Variants in CNTN3 observed in about 807,000 individuals in gnomAD.
CNTN3 encodes the protein contactin-3.
Under a neutral mutation model 119.1 loss-of-function variants are expected in CNTN3, and 60 were observed. The ratio of observed to expected loss-of-function variants is 0.50; its 90% CI spans 0.41 to 0.62. The LOEUF (loss-of-function observed/expected upper bound fraction) is 0.62, where lower values mean the gene tolerates loss of function less well. CNTN3 is among the 20% of genes least tolerant of loss of function. CNTN3 has a pLI of 0.00. For missense variants in CNTN3, 1,101 were observed against 1,242.4 expected, an observed-to-expected ratio of 0.89 and a Z score of 1.71; for synonymous variants, 450 against 438.7, an observed-to-expected ratio of 1.03 and a Z score of -0.32.
intron 4 of CNTN3, among the ~76,000 whole-genome samples, chr3:74,443,544 C>A (rs1381912718): frequency 6.6e-6 from 1 of 152,106 alleles, no homozygotes; most frequent in Non-Finnish European, 1.5e-5. Flanking sequence ...TTAGAATGAT[C>A]TGAGTCCCAT....
intron 5 of CNTN3, among the ~76,000 whole-genome samples, chr3:74,410,135 C>A (rs1701413835): frequency 6.6e-6 from 1 of 152,126 alleles, no homozygotes; most frequent in Non-Finnish European, 1.5e-5. Flanking sequence ...CTTTATGTAT[C>A]CATATCTTGT....
chr3:74,594,228 C>A (rs1216035901), intron 1 of CNTN3, among the ~76,000 whole-genome samples: 1 of 150,098 alleles, frequency 6.7e-6, no homozygotes, highest in Non-Finnish European at 1.5e-5. Flanking sequence ...CACTATTAAA[C>A]ACATAGTACT....
At chr3:74,470,178 G>C (rs190216062) in intron 4 of CNTN3, among the ~76,000 whole-genome samples, 3 of 152,060 alleles carry the variant, frequency 2.0e-5, no homozygotes, top group East Asian at 1.9e-4. Context: ...GGGCTGGAGT[G>C]GGGGGTTTTG....
In CNTN3 at chr3:74,439,533, T is replaced by TA. The variant is rs200101729; in HGVS notation, c.359-14594dup. On this transcript the variant is annotated intron_variant, in intron 4 of 22. Coordinates refer to ENST00000263665, the MANE Select transcript of CNTN3 (RefSeq NM_020872.3). ...GCATATATTTCATCTTATATGATAC[T>TA]AAAAAAATCTGTGAAATGGGCAATA... 6.8e-3 allele frequency among the ~76,000 whole-genome samples: 1,034 copies of TA among 152,234 alleles called. 9 individuals are homozygous for TA. Among genetic ancestry groups the TA allele is most frequent in the African/African-American group, 0.023 (973 of 41,558 alleles).
chr3:74,489,637 CGCCTAA>C (rs1702926832), intron 3 of CNTN3, among the ~76,000 whole-genome samples: 6 of 135,250 alleles, frequency 4.4e-5, no homozygotes, highest in Admixed American at 7.9e-5. Context: ...CCCACCCCTC[CGCCTAA>C]TCCCCAGGCC....
chr3:74,489,042 C>G (rs998019501), intron 3 of CNTN3, among the ~76,000 whole-genome samples: 1 of 152,084 alleles, frequency 6.6e-6, no homozygotes, highest in Non-Finnish European at 1.5e-5. Context: ...TATTCCATCC[C>G]AAGTCCTAGA....
At chr3:74,435,993 T>C (rs1444316495) in intron 4 of CNTN3, among the ~76,000 whole-genome samples, 1 of 152,208 alleles carries the variant, frequency 6.6e-6, no homozygotes, top group African/African-American at 2.4e-5. Context: ...AAAACGCCTA[T>C]ACACATATTT....
chr3:74,320,625 T>C (rs1702963285), intron 13 of CNTN3, among the ~76,000 whole-genome samples: 3 of 151,900 alleles, frequency 2.0e-5, no homozygotes. Flanking sequence ...AAACTTAAAG[T>C]ATAATAACAA....
At chr3:74,559,157 G>C (rs1025754871) in intron 1 of CNTN3, among the ~76,000 whole-genome samples, 1 of 152,028 alleles carries the variant, frequency 6.6e-6, no homozygotes, top group Admixed American at 6.6e-5. Context: ...CTAAACCCCA[G>C]TTCTGACACT....
At chr3:74,559,780 C>G (rs189012470) in intron 1 of CNTN3, among the ~76,000 whole-genome samples, 1 of 151,888 alleles carries the variant, frequency 6.6e-6, no homozygotes. Context: ...CCTGATTATA[C>G]CATGCAATTG....
Position 74,336,524 on chromosome 3 carries a change from G to T in CNTN3, c.1492+7C>A, listed in dbSNP as rs372063489. The T allele has an allele frequency of 2.5e-6, 4 of 1,610,600 alleles. No homozygotes were observed. Among genetic ancestry groups the T allele is most frequent in the Non-Finnish European group, 3.4e-6 (4 of 1,177,814 alleles). ...TATGTAAAGCAATATTTTAGAAATGGACCTACCCGTAACAACCAAATGTGT... is the reference window on the plus strand; with the variant it reads ...TATGTAAAGCAATATTTTAGAAATGTACCTACCCGTAACAACCAAATGTGT... On this transcript the variant is annotated splice_region_variant and intron_variant, in intron 12 of 22. Transcript: ENST00000263665.
intron 5 of CNTN3, among the ~76,000 whole-genome samples, chr3:74,382,168 T>A (rs2200741): frequency 1 from 152,032 of 152,212 alleles, 75,926 homozygotes; most frequent in Non-Finnish European, 1. Flanking sequence ...AGATCGCACC[T>A]TTGAACTCCA....
intron 13 of CNTN3, among the ~76,000 whole-genome samples, chr3:74,319,511 T>C (rs1352716701): frequency 1.3e-5 from 2 of 152,030 alleles, no homozygotes; most frequent in Non-Finnish European, 2.9e-5. Flanking sequence ...ATACAAAAAT[T>C]AATTCAAGAT....
intron 22 of CNTN3, among the ~76,000 whole-genome samples, chr3:74,265,818 T>C (rs1350439865): frequency 6.6e-6 from 1 of 152,164 alleles, no homozygotes; most frequent in African/African-American, 2.4e-5. Flanking sequence ...AAATGGACTC[T>C]ACAATAGTTA....
rs895344575 is a variant in CNTN3, at chr3:74,384,438, T to C, written c.455-13039A>G. ...AGAACTGCAGTAAAAGAGCATTAGA[T>C]TCTGCCTTGATCAAAGTCCAGAATA... is the stretch of plus-strand genomic sequence containing the variant. On this transcript the variant is annotated intron_variant, in intron 5 of 22. Coordinates refer to ENST00000263665, the MANE Select transcript of CNTN3 (RefSeq NM_020872.3). Among the ~76,000 whole-genome samples the C allele has an allele frequency of 2.0e-5, 3 of 152,244 alleles. No individual in the cohort carries two copies. In the East Asian group the frequency reaches 5.8e-4, roughly 29 times the overall value.
At chr3:74,270,246 T>C (rs994492712) in intron 20 of CNTN3, among the ~76,000 whole-genome samples, 9 of 152,240 alleles carry the variant, frequency 5.9e-5, no homozygotes, top group Non-Finnish European at 1.0e-4. Flanking sequence ...GACTTCACCA[T>C]AGGACTTGCC....
rs1455655948 is a variant in CNTN3 at position 74,267,311 on chromosome 3, C to A, written c.2772G>T (p.Glu924Asp). The A allele has an allele frequency of 6.2e-7, 1 of 1,613,310 alleles. No individual in the cohort carries two copies. Among genetic ancestry groups the A allele is most frequent in the Non-Finnish European group, 8.5e-7 (1 of 1,179,414 alleles). Residue 924 changes from glutamate to aspartate, a missense_variant, in exon 21 of 23, where the codon GAG (glutamate) becomes GAT (aspartate). Physicochemically the swap from Glu to Asp is conservative, Grantham distance 45. Coordinates refer to ENST00000263665, the MANE Select transcript of CNTN3 (RefSeq NM_020872.3). Reference protein sequence around the residue: ...ATDTKVLLNWEQVKAMENESE... With the variant: ...ATDTKVLLNWDQVKAMENESE... ...ACTCATTCTCCATGGCTTTAACTTG[C>A]TCCCAATTAAGTAACACTTTAGTGT... is the stretch of plus-strand genomic sequence containing the variant.
chr3:74,365,672 T>A lies in CNTN3; in HGVS notation c.977A>T (p.Asp326Val). 1 of 1,613,262 alleles carries A rather than the reference T, an allele frequency of 6.2e-7. No individual in the cohort carries two copies. Among genetic ancestry groups the A allele is most frequent in the Non-Finnish European group, 8.5e-7 (1 of 1,179,476 alleles). Reference sequence around the variant, plus strand: ...ACTGTCCTCCACGGCTATTTCCACATCCTTTATGAGTTGAACCCAATGGGG... The same window carrying A: ...ACTGTCCTCCACGGCTATTTCCACAACCTTTATGAGTTGAACCCAATGGGG... ...AKPHWVQLIK[D>V]VEIAVEDSLY... Residue 326 changes from aspartate to valine, a missense_variant, in exon 9 of 23, where the codon GAT (aspartate) becomes GTT (valine). By Grantham distance (152) the Asp-to-Val change is radical. Transcript: ENST00000263665.
At chr3:74,358,878 G>A (rs1381243952) in intron 11 of CNTN3, among the ~76,000 whole-genome samples, 3 of 149,662 alleles carry the variant, frequency 2.0e-5, no homozygotes, top group African/African-American at 7.4e-5. Flanking sequence ...TTTTGTTCTT[G>A]CGATAGTTTA....
Sources: allele counts gnomAD v4.1 joint callset (sites outside exome capture counted in the v4.1 genomes callset), GRCh38; gene constraint gnomAD v4.1.1; transcripts MANE v1.5; gene names NCBI Gene and HGNC (gene_info 2026-07-23, HGNC 2026-07-21).